Variants in LRP2 observed in about 807,000 individuals in gnomAD.
LRP2 encodes low-density lipoprotein receptor-related protein 2.
A neutral mutation model predicts 531.0 loss-of-function variants in LRP2; 172 were observed. The observed-to-expected ratio is 0.32, with a 90% CI of 0.29 to 0.37. The LOEUF is 0.37. LRP2 is among the 10% of genes least tolerant of loss of function. The pLI, the probability that LRP2 is intolerant of heterozygous loss-of-function variation, is 1.00. For missense variants in LRP2, 5,167 were observed against 5,868.3 expected, an observed-to-expected ratio of 0.88 and a Z score of 3.90; for synonymous variants, 1,992 against 2,027.6, an observed-to-expected ratio of 0.98 and a Z score of 0.47.
chr2:169,288,389 G>A (rs773191251), intron 9 of LRP2, among the ~76,000 whole-genome samples: 1 of 152,230 alleles, frequency 6.6e-6, no homozygotes, highest in Non-Finnish European at 1.5e-5. Context: ...GTGTACTGGT[G>A]TCTAGTTTAA....
chr2:169,233,597 C>A lies in LRP2; in HGVS notation c.4921-9G>T. 1.2e-6 allele frequency: 2 copies of A among 1,613,838 alleles called. No homozygotes were observed. The highest frequency in any genetic ancestry group is 1.7e-6 in the Non-Finnish European group (2 of 1,179,750). On this transcript the variant is annotated splice_polypyrimidine_tract_variant and intron_variant, in intron 29 of 78. Transcript: ENST00000649046. ...TAGGGGTGCCGTATAATCTGTGAGG[C>A]AGAAGAGAACAGTGAGACCTCATCC... is the stretch of plus-strand genomic sequence containing the variant.
At chr2:169,163,622 A>T (rs1413021861) in intron 62 of LRP2, among the ~76,000 whole-genome samples, 1 of 152,220 alleles carries the variant, frequency 6.6e-6, no homozygotes, top group East Asian at 1.9e-4. Flanking sequence ...TAACTTTTAG[A>T]ACAGGCTAGA....
intron 1 of LRP2, among the ~76,000 whole-genome samples, chr2:169,359,415 T>C (rs1686084147): frequency 1.3e-5 from 2 of 152,254 alleles, no homozygotes; most frequent in Admixed American, 1.3e-4. Context: ...GTATAATTTT[T>C]TTCAAAGACT....
At chr2:169,299,740 T>C (rs1684241143) in intron 4 of LRP2, among the ~76,000 whole-genome samples, 4 of 152,206 alleles carry the variant, frequency 2.6e-5, no homozygotes, top group East Asian at 3.9e-4. Context: ...CATGGTTTCA[T>C]ACTTTAGTAG....
chr2:169,247,653 C>T, intron 19 of LRP2, 138 bp from the exon 20 acceptor site: 2 of 939,174 alleles, frequency 2.1e-6, no homozygotes, highest in South Asian at 1.4e-5. Flanking sequence ...ATATGTTTCT[C>T]TAACCATTTT....
At chr2:169,194,233 A>C (rs1382631085) in intron 46 of LRP2, among the ~76,000 whole-genome samples, 1 of 152,212 alleles carries the variant, frequency 6.6e-6, no homozygotes, top group Non-Finnish European at 1.5e-5. Flanking sequence ...CTTTTCATCC[A>C]AAACCATTTT....
chr2:169,290,019 T>G (rs974115265), intron 8 of LRP2, among the ~76,000 whole-genome samples: 2 of 152,174 alleles, frequency 1.3e-5, no homozygotes, highest in Admixed American at 6.5e-5. Context: ...GAGTATATTA[T>G]TGATGAAATC....
chr2:169,239,786 G>C lies in LRP2; in HGVS notation c.4046-11C>G, dbSNP rs2105381373. The C allele has an allele frequency of 6.2e-7, 1 of 1,611,202 alleles. No homozygotes were observed. The highest frequency in any genetic ancestry group is 8.5e-7 in the Non-Finnish European group (1 of 1,177,446). On this transcript the variant is annotated splice_polypyrimidine_tract_variant and intron_variant, in intron 25 of 78. Coordinates refer to ENST00000649046, the MANE Select transcript of LRP2 (RefSeq NM_004525.3). ...AGCAGCTGTTCCCATCTAGAAAAAA[G>C]AAAGAGAATAATGAAAAAAGAAAAT...
rs868004759 is a variant in LRP2 at position 169,327,785 on chromosome 2, G to A, written c.80-6901C>T. ...GGGTCAGCCCCCCGCCCGGCCAGCC[G>A]CCCCGTCTGGGAGGTGAGGGGCGCC... is the stretch of plus-strand genomic sequence containing the variant. On this transcript the variant is annotated intron_variant, in intron 1 of 78. Coordinates refer to ENST00000649046, the MANE Select transcript of LRP2 (RefSeq NM_004525.3). 5.0e-3 allele frequency among the ~76,000 whole-genome samples: 592 copies of A among 117,230 alleles called. 3 individuals are homozygous for A. Among genetic ancestry groups the A allele is most frequent in the African/African-American group, 0.02 (558 of 28,428 alleles). The allele number at this position is 117,230 out of a possible 152,430, so 76.9% of individuals were successfully genotyped here.
intron 4 of LRP2, among the ~76,000 whole-genome samples, chr2:169,301,278 A>T (rs1267362350): frequency 6.6e-6 from 1 of 152,142 alleles, no homozygotes; most frequent in Non-Finnish European, 1.5e-5. Context: ...CAATATATTA[A>T]TTGAATGACC....
chr2:169,142,097 T>G (rs1685742883), intron 71 of LRP2, among the ~76,000 whole-genome samples: 1 of 152,212 alleles, frequency 6.6e-6, no homozygotes, highest in Admixed American at 6.5e-5. Flanking sequence ...CACCGGATGC[T>G]AGTTAGGGAC....
chr2:169,189,141 G>A (rs1269578554), intron 48 of LRP2, among the ~76,000 whole-genome samples: 1 of 152,172 alleles, frequency 6.6e-6, no homozygotes, highest in Non-Finnish European at 1.5e-5. Flanking sequence ...TCTCACATAT[G>A]CATCAAGGAA....
intron 77 of LRP2, among the ~76,000 whole-genome samples, chr2:169,129,745 A>G (rs1330719445): frequency 6.6e-6 from 1 of 152,192 alleles, no homozygotes; most frequent in Non-Finnish European, 1.5e-5. Flanking sequence ...AGGGCAGGTA[A>G]TGATTACTCA....
intron 50 of LRP2, among the ~76,000 whole-genome samples, chr2:169,184,573 T>C (rs1181471278): frequency 1.3e-5 from 2 of 152,238 alleles, no homozygotes; most frequent in Admixed American, 1.3e-4. Context: ...TCCGATAGAT[T>C]TGATATTCAA....
At chr2:169,310,473 C>T (rs1006867598) in intron 3 of LRP2, among the ~76,000 whole-genome samples, 1 of 152,106 alleles carries the variant, frequency 6.6e-6, no homozygotes, top group Non-Finnish European at 1.5e-5. Flanking sequence ...TGGTTTTTGT[C>T]TTTGGTTCTG....
chr2:169,355,588 G>A (rs1685966887), intron 1 of LRP2, among the ~76,000 whole-genome samples: 1 of 152,190 alleles, frequency 6.6e-6, no homozygotes, highest in Admixed American at 6.5e-5. Flanking sequence ...ACCCTGAGAT[G>A]CAACTGAAAC....
chr2:169,161,278 G>A (rs763966613), intron 63 of LRP2, among the ~76,000 whole-genome samples: 14 of 152,148 alleles, frequency 9.2e-5, no homozygotes, highest in Non-Finnish European at 1.8e-4. Flanking sequence ...GCAACTCAAT[G>A]GGGCTAACTT....
At chr2:169,137,085 C>T (rs1685542005) in intron 76 of LRP2, among the ~76,000 whole-genome samples, 1 of 152,230 alleles carries the variant, frequency 6.6e-6, no homozygotes, top group Non-Finnish European at 1.5e-5. Context: ...CACTGTGTTT[C>T]CCAGGCCCCT....
chr2:169,176,439 T>G lies in LRP2; in HGVS notation c.10543A>C (p.Thr3515Pro). The change falls in exon 54 of 79, where the codon ACC becomes CCC. Residue 3515 changes from threonine (T) to proline (P), a missense_variant. Around this residue, in one of 6 missense-constraint regions of LRP2, gnomAD observed 311 missense variants for 309.4 expected, o/e 1.01. Coordinates refer to ENST00000649046, the MANE Select transcript of LRP2 (RefSeq NM_004525.3). Reference protein sequence around the residue: ...STYCMPMCSSTQFLCANNEKC... With the variant: ...STYCMPMCSSPQFLCANNEKC... ...TCATTGTTAGCGCACAGGAACTGGGTGCTGGAGCACATGGGCATGCAGTAG... is the reference window on the plus strand; with the variant it reads ...TCATTGTTAGCGCACAGGAACTGGGGGCTGGAGCACATGGGCATGCAGTAG... 6.2e-7 allele frequency: 1 copy of G among 1,614,096 alleles called. No individual in the cohort carries two copies. The highest frequency in any genetic ancestry group is 1.1e-5 in the South Asian group (1 of 91,072).
Sources: gnomAD v4.1 joint callset for allele counts (sites outside exome capture counted in the v4.1 genomes callset) on GRCh38, gnomAD v4.1.1 for gene constraint, gnomAD v4.1.1 regional missense constraint, MANE v1.5 for transcripts, NCBI Gene and HGNC (gene_info 2026-07-23, HGNC 2026-07-21) for gene names.